MOV10L1: variants seen among roughly 807,000 people sequenced by gnomAD.
MOV10L1 encodes the protein RNA helicase Mov10l1.
MOV10L1 carries 110 observed loss-of-function variants against 143.8 expected under a neutral mutation model. That is an observed-to-expected ratio of 0.76 (90% CI 0.66 to 0.90). MOV10L1 has a LOEUF of 0.90. Ranked by LOEUF, MOV10L1 falls within the 40% of genes least tolerant of loss-of-function variation. The probability of loss-of-function intolerance (pLI) is 0.00; values close to 1 mark genes in which losing one functional copy is unlikely to be tolerated. For missense variants in MOV10L1, 1,406 were observed against 1,526.8 expected (o/e 0.92, Z 1.32); for synonymous variants, 593 against 581.1 (o/e 1.02, Z -0.29).
At chr22:50,133,885 T>G in intron 13 of MOV10L1, 122 bp from the exon 14 acceptor site, 2 of 808,286 alleles carry the variant, frequency 2.5e-6, no homozygotes, top group Non-Finnish European at 4.0e-6. Context: ...GATTGTTGGA[T>G]TGTTGCTGTG....
At chr22:50,145,946 G>A in intron 19 of MOV10L1, 136 bp downstream of exon 19, 1 of 1,372,962 alleles carries the variant, frequency 7.3e-7, no homozygotes. Flanking sequence ...GGCGAGAAAG[G>A]CTGGTTGGGG....
chr22:50,100,524 T>C (rs2061718187), intron 3 of MOV10L1, among the ~76,000 whole-genome samples: 1 of 151,736 alleles, frequency 6.6e-6, no homozygotes, highest in Admixed American at 6.6e-5. Flanking sequence ...TCTTTCTTTC[T>C]TTTTTTTGAG....
chr22:50,150,655 C>T, intron 20 of MOV10L1, 80 bp from the exon 21 acceptor site: 3 of 1,483,562 alleles, frequency 2.0e-6, no homozygotes, highest in Non-Finnish European at 2.8e-6. Flanking sequence ...ATCCTGCGCA[C>T]AGCCCCATTC....
intron 17 of MOV10L1, 80 bp downstream of exon 17, chr22:50,143,301 T>TA: frequency 6.9e-7 from 1 of 1,450,220 alleles, no homozygotes. Context: ...AGTGTGAGTT[T>TA]AGATTGTAGA....
At chr22:50,146,156 C>CCTGGGCCTGGT (rs1348335383) in intron 19 of MOV10L1, among the ~76,000 whole-genome samples, 1 of 110,954 alleles carries the variant, frequency 9.0e-6, no homozygotes, top group Non-Finnish European at 2.0e-5. Context: ...GGAGGCCTGG[C>CCTGGGCCTGGT]GGGCTGTGGA....
At chr22:50,115,511 C>T (rs772170917) in intron 8 of MOV10L1, among the ~76,000 whole-genome samples, 12 of 152,112 alleles carry the variant, frequency 7.9e-5, no homozygotes, top group African/African-American at 1.9e-4. Flanking sequence ...CAAGATCGCA[C>T]GACTGCACTC....
chr22:50,141,979 A>C (rs2063001000), intron 15 of MOV10L1, 102 bp from the exon 16 acceptor site: 2 of 774,520 alleles, frequency 2.6e-6, no homozygotes, highest in East Asian at 6.2e-5. Context: ...TGTTAAATAA[A>C]TATACTAAGT....
Position 50,158,223 on chromosome 22 carries a change from C to T in MOV10L1, c.3216+17C>T. 1 of 1,613,910 alleles carries T rather than the reference C, an allele frequency of 6.2e-7. No homozygotes were observed. The highest frequency in any genetic ancestry group is 8.5e-7 in the Non-Finnish European group (1 of 1,179,952). On this transcript the variant is annotated intron_variant, in intron 23 of 26. Coordinates refer to ENST00000262794, the MANE Select transcript of MOV10L1 (RefSeq NM_018995.3). The surrounding 1 kb of genome is among the most constrained non-coding windows in gnomAD (Gnocchi z 5.0). ...CGGAAGCAGGTACGCCCTGCCCAGGCACGCCTGGTTCTGTGAGGTCCCTGC... is the reference window on the plus strand; with the variant it reads ...CGGAAGCAGGTACGCCCTGCCCAGGTACGCCTGGTTCTGTGAGGTCCCTGC...
rs141012233 is a variant in MOV10L1 at position 50,113,280 on chromosome 22, G to C, written c.744-368G>C. 5.5e-3 allele frequency among the ~76,000 whole-genome samples: 840 copies of C among 152,312 alleles called. 6 individuals carry two copies. The highest frequency in any genetic ancestry group is 0.019 in the African/African-American group (801 of 41,568). On this transcript the variant is annotated intron_variant, in intron 5 of 26. Transcript: ENST00000262794. ...AGTTTAGTGGAGCCCTAATAGGCAA[G>C]GCCCATGCTTCCCCCACCACCACCT...
chr22:50,157,274 C>T (rs192271533), intron 22 of MOV10L1, among the ~76,000 whole-genome samples: 1 of 152,170 alleles, frequency 6.6e-6, no homozygotes, highest in African/African-American at 2.4e-5. Flanking sequence ...GTTTTCTCCC[C>T]CCTCCGCAGA....
chr22:50,161,622 C>T lies in MOV10L1; in HGVS notation c.*173C>T, dbSNP rs889036238. 6.6e-6 allele frequency: 4 copies of T among 604,278 alleles called. No homozygotes were observed. Among genetic ancestry groups the T allele is most frequent in the Non-Finnish European group, 8.5e-6 (3 of 354,082 alleles). 37.4% of individuals were successfully genotyped at this position (604,278 alleles called of 1,614,324 possible). On this transcript the variant is annotated 3_prime_UTR_variant, in exon 27 of 27. Transcript: ENST00000262794. ...CTGCTGCCCTGACTTTGGCATATGC[C>T]AGCCTGTTCCTGCCACAGGGCAGTC... is the stretch of plus-strand genomic sequence containing the variant.
At chr22:50,098,966 C>T (rs1210365278) in intron 2 of MOV10L1, among the ~76,000 whole-genome samples, 3 of 152,192 alleles carry the variant, frequency 2.0e-5, no homozygotes, top group East Asian at 3.8e-4. Context: ...AATATGTTGA[C>T]TGATTTTCAT....
At chr22:50,156,848 G>C (rs1199535398) in intron 22 of MOV10L1, among the ~76,000 whole-genome samples, 1 of 152,190 alleles carries the variant, frequency 6.6e-6, no homozygotes, top group Non-Finnish European at 1.5e-5. Context: ...ATATCTATTT[G>C]AGACCCTGCT....
At chr22:50,160,044 A>C (rs1054307498) in intron 24 of MOV10L1, among the ~76,000 whole-genome samples, 1 of 152,138 alleles carries the variant, frequency 6.6e-6, no homozygotes. Context: ...AGAAGGAGGG[A>C]CACGAAGTTG....
intron 13 of MOV10L1, among the ~76,000 whole-genome samples, chr22:50,129,443 G>C (rs960628004): frequency 6.6e-6 from 1 of 152,196 alleles, no homozygotes; most frequent in Non-Finnish European, 1.5e-5. Context: ...ACTAAACATT[G>C]TGTTCCTGAG....
At chr22:50,113,485 A>G (rs1308117288) in intron 5 of MOV10L1, 163 bp from the exon 6 acceptor site, 11 of 868,776 alleles carry the variant, frequency 1.3e-5, no homozygotes, top group Non-Finnish European at 1.9e-5. Context: ...TCTCTTCCTT[A>G]GGGTTTGCCA....
rs780490015 is a variant in MOV10L1 at position 50,134,069 on chromosome 22, T to C, written c.1969+4T>C. ...GTCATCCACTTAGGTGTAAAAGGTA[T>C]TACTTTTATAGAATGATAGTGTTAC... On this transcript the variant is annotated splice_donor_region_variant and intron_variant, in intron 14 of 26. Coordinates refer to ENST00000262794, the MANE Select transcript of MOV10L1 (RefSeq NM_018995.3). 15 of 1,605,022 alleles carry C rather than the reference T, an allele frequency of 9.3e-6. No individual in the cohort carries two copies. The Admixed American group carries it at 2.6e-4, about 28-fold the overall frequency.
At position 50,149,698 on chromosome 22, in the gene MOV10L1, C is replaced by T. The variant is rs1313308821; in HGVS notation, c.2711C>T (p.Ser904Leu). The T allele has an allele frequency of 4.3e-6, 7 of 1,613,680 alleles. No individual in the cohort carries two copies. The highest frequency in any genetic ancestry group is 2.2e-5 in the South Asian group (2 of 90,968). Reference protein sequence around the residue: ...PECLIPLGLMSDISGQIVLAG... With the variant: ...PECLIPLGLMLDISGQIVLAG... ...TGCCTCATTCCTCTGGGGCTGATGT[C>T]GGACATCAGTGGCCAGGTAAGTCCC... Residue 904 changes from serine to leucine, a missense_variant, in exon 20 of 27, where the codon TCG becomes TTG. By Grantham distance (145) the Ser-to-Leu change is moderately radical. This residue lies in a region of MOV10L1 where 1,233 missense variants were observed against 1,351.4 expected (regional missense o/e 0.91). Transcript: ENST00000262794.
chr22:50,121,199 G>T (rs573538028), intron 10 of MOV10L1, among the ~76,000 whole-genome samples: 2 of 152,334 alleles, frequency 1.3e-5, no homozygotes, highest in East Asian at 3.9e-4. Context: ...AGCTAAACTG[G>T]AGTTCCAGTG....
Sources: allele counts gnomAD v4.1 joint callset (sites outside exome capture counted in the v4.1 genomes callset), GRCh38; gene constraint gnomAD v4.1.1; regional missense constraint gnomAD v4.1.1; non-coding constraint Gnocchi (gnomAD v3.1); transcripts MANE v1.5; gene names NCBI Gene and HGNC (gene_info 2026-07-23, HGNC 2026-07-21).